Variants in PREX2 observed in about 807,000 individuals in gnomAD.
The protein encoded by PREX2 is phosphatidylinositol-3,4,5-trisphosphate dependent Rac exchange factor 2, also known as phosphatidylinositol 3,4,5-trisphosphate-dependent Rac exchanger 2 protein.
In PREX2, 107 loss-of-function variants were observed where a neutral mutation model predicts 203.2. That is an observed-to-expected ratio of 0.53 (90% CI 0.45 to 0.62). PREX2 has a LOEUF of 0.62. Ranked by LOEUF, PREX2 falls within the 20% of genes least tolerant of loss-of-function variation. The pLI is 0.00. For synonymous variants in PREX2, 672 were observed against 663.6 expected, an observed-to-expected ratio of 1.01 and a Z score of -0.19; for missense variants, 1,777 against 1,955.9, an observed-to-expected ratio of 0.91 and a Z score of 1.72.
intron 7 of PREX2, 140 bp from the exon 8 acceptor site, chr8:68,044,347 G>T: frequency 1.6e-6 from 1 of 606,544 alleles, no homozygotes; most frequent in Non-Finnish European, 2.9e-6. Context: ...AGGACAAATG[G>T]AAAGATCTCC....
chr8:67,956,103 G>C (rs1397782341), intron 1 of PREX2, among the ~76,000 whole-genome samples: 2 of 152,142 alleles, frequency 1.3e-5, no homozygotes, highest in Non-Finnish European at 2.9e-5. Context: ...GACATAATTT[G>C]CTTGAATTTA....
intron 5 of PREX2, among the ~76,000 whole-genome samples, chr8:68,029,157 A>G (rs1445986773): frequency 6.6e-6 from 1 of 152,170 alleles, no homozygotes; most frequent in African/African-American, 2.4e-5. Context: ...AGGAAAAGAT[A>G]CATTGATGTT....
rs75470987 is a variant in PREX2 at position 68,096,188 on chromosome 8, T to C, written c.2369-829T>C. Among the ~76,000 whole-genome samples, 175 of 152,260 alleles carry C rather than the reference T, an allele frequency of 1.1e-3. 1 individual carries two copies. The East Asian group carries it at 0.033, about 28-fold the overall frequency. On this transcript the variant is annotated intron_variant, in intron 21 of 39. Coordinates refer to ENST00000288368, the MANE Select transcript of PREX2 (RefSeq NM_024870.4). ...ATTCCTAATTTGGAATAAATCAACGTTGGTGCCACATTGAAAGGTAGATTG... is the reference window on the plus strand; with the variant it reads ...ATTCCTAATTTGGAATAAATCAACGCTGGTGCCACATTGAAAGGTAGATTG...
At chr8:68,149,284 A>G (rs1811386501) in intron 34 of PREX2, among the ~76,000 whole-genome samples, 1 of 152,208 alleles carries the variant, frequency 6.6e-6, no homozygotes, top group Non-Finnish European at 1.5e-5. Context: ...CTATTAGATC[A>G]GGAATTTCAG....
intron 1 of PREX2, among the ~76,000 whole-genome samples, chr8:67,987,676 G>T (rs564394010): frequency 3.9e-5 from 6 of 152,262 alleles, no homozygotes; most frequent in Non-Finnish European, 8.8e-5. Context: ...GGTTCCCTTT[G>T]CTAGAAGCGC....
At chr8:68,164,384 A>G (rs979630730) in intron 35 of PREX2, among the ~76,000 whole-genome samples, 4 of 151,562 alleles carry the variant, frequency 2.6e-5, no homozygotes, top group African/African-American at 9.7e-5. Flanking sequence ...ACACATATAT[A>G]TACACACACA....
chr8:68,101,981 G>A (rs1468305657), intron 23 of PREX2, among the ~76,000 whole-genome samples: 3 of 152,098 alleles, frequency 2.0e-5, no homozygotes, highest in South Asian at 2.1e-4. Context: ...AATAAATGTC[G>A]GAGATCCTCA....
chr8:68,208,735 T>G (rs1812690793), intron 37 of PREX2, among the ~76,000 whole-genome samples: 1 of 152,084 alleles, frequency 6.6e-6, no homozygotes, highest in Non-Finnish European at 1.5e-5. Flanking sequence ...AGGATGGGTG[T>G]TCAGATGTTG....
At chr8:68,022,455 T>G (rs1348721277) in intron 4 of PREX2, among the ~76,000 whole-genome samples, 3 of 152,098 alleles carry the variant, frequency 2.0e-5, no homozygotes, top group Non-Finnish European at 4.4e-5. Flanking sequence ...GTCCTTTACT[T>G]CTGCTGACAG....
chr8:68,183,638 A>T (rs1245521103), intron 35 of PREX2, among the ~76,000 whole-genome samples: 1 of 152,130 alleles, frequency 6.6e-6, no homozygotes, highest in Admixed American at 6.6e-5. Flanking sequence ...ATCATAAAAA[A>T]GAGAGCAAAA....
chr8:67,952,719 G>T (rs1439806329), intron 1 of PREX2, 184 bp downstream of exon 1: 2 of 792,474 alleles, frequency 2.5e-6, no homozygotes, highest in Admixed American at 2.2e-5. Context: ...GCGGGGATTT[G>T]TTGGTGCCCC....
chr8:68,192,072 T>C (rs1346890228), intron 36 of PREX2, among the ~76,000 whole-genome samples: 2 of 152,184 alleles, frequency 1.3e-5, no homozygotes, highest in Non-Finnish European at 2.9e-5. Context: ...CAGTTTGATT[T>C]TGAGGATGGT....
intron 39 of PREX2, among the ~76,000 whole-genome samples, chr8:68,230,705 T>G (rs934237000): frequency 4.6e-5 from 7 of 152,094 alleles, no homozygotes; most frequent in African/African-American, 1.7e-4. Context: ...TCCAGGCATC[T>G]CCATGGTTTA....
intron 8 of PREX2, among the ~76,000 whole-genome samples, chr8:68,045,795 A>G (rs41417450): frequency 0.016 from 2,485 of 152,182 alleles, 51 homozygotes; most frequent in African/African-American, 0.053. Flanking sequence ...GCAGTTGCAG[A>G]TACTCCCGTG....
rs752792747 is a variant in PREX2, at chr8:68,083,404, T to G, written c.2027+16T>G. Reference sequence around the variant, plus strand: ...AGCCAAGAGAGTAAGTTGTATGATTTATGTGTGATTTTTTAAAAGTTATAC... The same window carrying G: ...AGCCAAGAGAGTAAGTTGTATGATTGATGTGTGATTTTTTAAAAGTTATAC... On this transcript the variant is annotated intron_variant, in intron 18 of 39. Coordinates refer to ENST00000288368, the MANE Select transcript of PREX2 (RefSeq NM_024870.4). The G allele has an allele frequency of 2.0e-5, 32 of 1,572,936 alleles. No individual in the cohort carries two copies. The East Asian group carries it at 7.2e-4, about 35-fold the overall frequency.
rs922179017 is a variant in PREX2 at position 68,019,579 on chromosome 8, G to A, written c.244G>A (p.Ala82Thr). The A allele has an allele frequency of 6.2e-7, 1 of 1,612,578 alleles. No individual in the cohort carries two copies. The highest frequency in any genetic ancestry group is 8.5e-7 in the Non-Finnish European group (1 of 1,178,930). Residue 82 changes from alanine to threonine, a missense_variant, in exon 3 of 40, where the codon GCA becomes ACA. Coordinates refer to ENST00000288368, the MANE Select transcript of PREX2 (RefSeq NM_024870.4). ...MLFSNIEDIL[A>T]VHKEFLKVVE... is the part of the protein sequence containing the mutation. ...GTTCTCAAACATTGAAGACATCCTT[G>A]CAGTACATAAAGAATTCTTAAAAGT...
intron 22 of PREX2, 52 bp from the exon 23 acceptor site, chr8:68,099,630 G>A (rs1276256806): frequency 6.6e-7 from 1 of 1,524,492 alleles, no homozygotes; most frequent in African/African-American, 1.4e-5. Context: ...CTATGTGTGT[G>A]TCTGTATGTG....
intron 1 of PREX2, among the ~76,000 whole-genome samples, chr8:67,996,965 A>G (rs1380799418): frequency 6.6e-6 from 1 of 152,176 alleles, no homozygotes; most frequent in African/African-American, 2.4e-5. Context: ...TTTTGCCATT[A>G]CTTTTGATGG....
intron 3 of PREX2, among the ~76,000 whole-genome samples, chr8:68,020,819 C>T (rs371496623): frequency 1.3e-5 from 2 of 152,188 alleles, no homozygotes; most frequent in African/African-American, 2.4e-5. Flanking sequence ...CCCTGACATC[C>T]ATTTCCTTAG....
Sources: gnomAD v4.1 joint callset for allele counts (sites outside exome capture counted in the v4.1 genomes callset) on GRCh38, gnomAD v4.1.1 for gene constraint, MANE v1.5 for transcripts, NCBI Gene and HGNC (gene_info 2026-07-23, HGNC 2026-07-21) for gene names.